Variants in FBXO38 observed in about 807,000 individuals in gnomAD.
FBXO38 encodes F-box only protein 38.
FBXO38 carries 53 observed loss-of-function variants against 131.9 expected under a neutral mutation model. The ratio of observed to expected loss-of-function variants is 0.40; its 90% CI spans 0.32 to 0.51. FBXO38 has a LOEUF of 0.51. Ranked by LOEUF, FBXO38 falls within the 20% of genes least tolerant of loss-of-function variation. FBXO38 has a pLI of 0.53. For synonymous variants in FBXO38, 452 were observed against 505.6 expected (o/e 0.89, Z 1.42); for missense variants, 1,076 against 1,475.6 (o/e 0.73, Z 4.44).
rs539737502 is a variant in FBXO38, at chr5:148,409,143, C to T, written c.888C>T (p.His296=). Residue 296 remains histidine (H), a synonymous_variant, in exon 8 of 22, where the codon CAC becomes CAT. Transcript: ENST00000340253. ...CTTTAGGTGGTTTTAGAAATTTGCACACTATTGTTCTGGGAGCTTGCAAAA... is the reference window on the plus strand; with the variant it reads ...CTTTAGGTGGTTTTAGAAATTTGCATACTATTGTTCTGGGAGCTTGCAAAA... The part of the protein sequence containing the change: ...SWRSGGFRNL[H]TIVLGACKNA... The T allele has an allele frequency of 1.7e-5, 28 of 1,612,142 alleles. No individual in the cohort carries two copies. The South Asian group carries it at 2.5e-4, about 15-fold the overall frequency.
chr5:148,427,455 G>C lies in FBXO38; in HGVS notation c.2161G>C (p.Ala721Pro). The C allele has an allele frequency of 6.2e-7, 1 of 1,614,186 alleles. No homozygotes were observed. ...GGGAAACTCCAGCTCACACAACACT[G>C]CTTCTCAAAGCCCCGACTTTGTAAG... is the stretch of plus-strand genomic sequence containing the variant. The part of the protein sequence containing the change: ...TVGNSSSHNT[A>P]SQSPDFVRTV... Residue 721 changes from alanine (A) to proline (P), a missense_variant, in exon 15 of 22, where the codon GCT (alanine) becomes CCT (proline). By Grantham distance (27) the Ala-to-Pro change is conservative. Around this residue, in one of 8 missense-constraint regions of FBXO38, gnomAD observed 213 missense variants for 225.2 expected, o/e 0.95. Coordinates refer to ENST00000340253, the MANE Select transcript of FBXO38 (RefSeq NM_205836.3).
At chr5:148,412,517 T>A (rs1561527699) in intron 9 of FBXO38, among the ~76,000 whole-genome samples, 1 of 152,156 alleles carries the variant, frequency 6.6e-6, no homozygotes, top group African/African-American at 2.4e-5. Flanking sequence ...GATGAATCTT[T>A]AGAGAGTTCT....
At position 148,424,261 on chromosome 5, in the gene FBXO38, C is replaced by T. The variant is rs1289710313; in HGVS notation, c.1738+144C>T. 1.4e-5 allele frequency: 11 copies of T among 807,736 alleles called. No individual in the cohort carries two copies. In the Admixed American group the frequency reaches 1.4e-4, roughly 10 times the overall value. The allele number at this position is 807,736 out of a possible 1,614,324, so 50.0% of individuals were successfully genotyped here. ...CTATTGATTACTGAGAACTGTAATA[C>T]ATTGCTGGTATTCTTGTTGCATGTA... On this transcript the variant is annotated intron_variant, in intron 13 of 21. Coordinates refer to ENST00000340253, the MANE Select transcript of FBXO38 (RefSeq NM_205836.3).
At chr5:148,403,876 C>T (rs1205444253) in intron 5 of FBXO38, among the ~76,000 whole-genome samples, 2 of 152,170 alleles carry the variant, frequency 1.3e-5, no homozygotes, top group Admixed American at 1.3e-4. Flanking sequence ...TGCCATCATC[C>T]TGGATCCTTG....
rs11959865 is a variant in FBXO38 at position 148,433,235 on chromosome 5, T to G, written c.2654-189T>G. The G allele has an allele frequency of 0.011, 5,944 of 535,334 alleles. 275 individuals carry two copies. The highest frequency in any genetic ancestry group is 0.1 in the African/African-American group (5,267 of 52,120). 33.2% of individuals were successfully genotyped at this position (535,334 alleles called of 1,614,324 possible). A position where few individuals can be genotyped will look rare whatever the true frequency, so the allele number is the denominator to read the frequency against. On this transcript the variant is annotated intron_variant, in intron 15 of 21. Coordinates refer to ENST00000340253, the MANE Select transcript of FBXO38 (RefSeq NM_205836.3). ...TTGTTATGTTTGATGTAGATATGTT[T>G]GAAGTAATGGAGGGTGATCCTGTTT...
intron 6 of FBXO38, 57 bp downstream of exon 6, chr5:148,404,879 A>G: frequency 2.1e-6 from 3 of 1,428,174 alleles, no homozygotes; most frequent in East Asian, 2.5e-5. Context: ...AATATCCTGA[A>G]GCAAACTCTA....
chr5:148,394,965 T>C, intron 2 of FBXO38, 61 bp downstream of exon 2: 1 of 1,420,454 alleles, frequency 7.0e-7, no homozygotes, highest in South Asian at 1.6e-5. Context: ...CCTGAGGCAG[T>C]GCTGTCTAAT....
chr5:148,416,364 A>G (rs1489896348), intron 11 of FBXO38, among the ~76,000 whole-genome samples: 4 of 152,106 alleles, frequency 2.6e-5, no homozygotes, highest in African/African-American at 9.7e-5. Flanking sequence ...TAAGACAGAA[A>G]TTATTACGTG....
chr5:148,390,431 C>G lies in FBXO38; in HGVS notation c.-63-4283C>G, dbSNP rs140077669. Among the ~76,000 whole-genome samples the G allele has an allele frequency of 9.9e-5, 15 of 152,238 alleles. No homozygotes were observed. The East Asian group carries it at 2.9e-3, about 29-fold the overall frequency. ...TTTATCTCCACAAGTTCCTTCCCCA[C>G]GATAGGCTTAGGGTAGGGGCCTCAC... On this transcript the variant is annotated intron_variant, in intron 1 of 21. Coordinates refer to ENST00000340253, the MANE Select transcript of FBXO38 (RefSeq NM_205836.3).
intron 8 of FBXO38, 200 bp from the exon 9 acceptor site, chr5:148,410,435 T>C: frequency 1.7e-6 from 1 of 592,290 alleles, no homozygotes; most frequent in South Asian, 2.2e-5. Context: ...TGTGACTTGC[T>C]CCTTTTTGCC....
rs201279543 is a variant in FBXO38, at chr5:148,427,557, G to C, written c.2263G>C (p.Gly755Arg). 6.2e-7 allele frequency: 1 copy of C among 1,614,106 alleles called. No homozygotes were observed. Among genetic ancestry groups the C allele is most frequent in the Non-Finnish European group, 8.5e-7 (1 of 1,180,016 alleles). ...DVSRQCACSP[G>R]GSEDSEAMEE... ...GTCCAGGCAGTGTGCCTGCTCCCCCGGTGGGTCAGAGGACTCTGAGGCCAT... is the reference window on the plus strand; with the variant it reads ...GTCCAGGCAGTGTGCCTGCTCCCCCCGTGGGTCAGAGGACTCTGAGGCCAT... Residue 755 changes from glycine (G) to arginine (R), a missense_variant, in exon 15 of 22, where the codon GGT becomes CGT. By Grantham distance (125) the Gly-to-Arg change is moderately radical. Around this residue, in one of 8 missense-constraint regions of FBXO38, gnomAD observed 213 missense variants for 225.2 expected, o/e 0.95. Transcript: ENST00000340253.
At chr5:148,409,450 G>A (rs1581249059) in intron 8 of FBXO38, among the ~76,000 whole-genome samples, 1 of 152,172 alleles carries the variant, frequency 6.6e-6, no homozygotes. Flanking sequence ...GAGTGGCATG[G>A]TCTCATATCA....
chr5:148,394,669 A>C, intron 1 of FBXO38, 45 bp from the exon 2 acceptor site: 1 of 974,826 alleles, frequency 1.0e-6, no homozygotes, highest in Non-Finnish European at 1.4e-6. Flanking sequence ...GGGTTTTAGT[A>C]GGGGGTGTGT....
rs1292893706 is a variant in FBXO38, at chr5:148,433,621, T to G, written c.2755-14T>G. 6.3e-7 allele frequency: 1 copy of G among 1,581,436 alleles called. No individual in the cohort carries two copies. The highest frequency in any genetic ancestry group is 1.2e-5 in the South Asian group (1 of 86,790). Reference sequence around the variant, plus strand: ...TTTGTATCTTTATATAGTTTCTAATTTTTCTGCTTGTAGGTTCTTGTATTA... The same window carrying G: ...TTTGTATCTTTATATAGTTTCTAATGTTTCTGCTTGTAGGTTCTTGTATTA... On this transcript the variant is annotated splice_polypyrimidine_tract_variant and intron_variant, in intron 16 of 21. Coordinates refer to ENST00000340253, the MANE Select transcript of FBXO38 (RefSeq NM_205836.3).
In FBXO38 at chr5:148,392,253, T is replaced by C. The variant is rs149932172; in HGVS notation, c.-63-2461T>C. On this transcript the variant is annotated intron_variant, in intron 1 of 21. Coordinates refer to ENST00000340253, the MANE Select transcript of FBXO38 (RefSeq NM_205836.3). ...GTAATGGGAATGGATGTAAGAACTG[T>C]ATTGAGATAAAATTGATAAAAATAG... 3.8e-3 allele frequency among the ~76,000 whole-genome samples: 575 copies of C among 152,262 alleles called. 5 individuals carry two copies. Among genetic ancestry groups the C allele is most frequent in the Non-Finnish European group, 5.5e-3 (377 of 68,028 alleles).
At chr5:148,386,356 G>T (rs1427239060) in intron 1 of FBXO38, among the ~76,000 whole-genome samples, 1 of 152,160 alleles carries the variant, frequency 6.6e-6, no homozygotes, top group African/African-American at 2.4e-5. Context: ...CAAGTGATTT[G>T]TCACCTTATC....
In FBXO38 at chr5:148,425,602, C is replaced by G; in HGVS notation, c.1819C>G (p.Leu607Val). ...DSESDDEEDS[L>V]ELQEVWIPKN... ...AGAGAGTGATGATGAAGAAGATAGT[C>G]TAGAACTCCAAGAAGTCTGGATTCC... The change falls in exon 14 of 22, where the codon CTA becomes GTA. Residue 607 changes from leucine (L) to valine (V), a missense_variant. Leu to Val is a conservative substitution (Grantham distance 32). Coordinates refer to ENST00000340253, the MANE Select transcript of FBXO38 (RefSeq NM_205836.3). The G allele has an allele frequency of 6.2e-7, 1 of 1,613,606 alleles. No individual in the cohort carries two copies. Among genetic ancestry groups the G allele is most frequent in the Non-Finnish European group, 8.5e-7 (1 of 1,179,584 alleles).
At chr5:148,390,914 AAAG>A (rs1462451954) in intron 1 of FBXO38, among the ~76,000 whole-genome samples, 1 of 152,220 alleles carries the variant, frequency 6.6e-6, no homozygotes. Context: ...GGATTAAAAA[AAAG>A]CTTTTTATTA....
chr5:148,395,054 C>A, intron 2 of FBXO38, 150 bp downstream of exon 2: 1 of 796,426 alleles, frequency 1.3e-6, no homozygotes. Context: ...GTTGCACTGG[C>A]TACATTTCAA....
Sources: allele counts gnomAD v4.1 joint callset (sites outside exome capture counted in the v4.1 genomes callset), GRCh38; gene constraint gnomAD v4.1.1; regional missense constraint gnomAD v4.1.1; transcripts MANE v1.5; gene names NCBI Gene and HGNC (gene_info 2026-07-23, HGNC 2026-07-21).